The following PDE1C variants were observed in gnomAD, a reference collection of about 807,000 sequenced individuals.
PDE1C encodes the protein dual specificity calcium/calmodulin-dependent 3',5'-cyclic nucleotide phosphodiesterase 1C.
A neutral mutation model predicts 93.1 loss-of-function variants in PDE1C; 62 were observed. The ratio of observed to expected loss-of-function variants is 0.67; its 90% CI spans 0.54 to 0.82. The LOEUF is 0.82. PDE1C is among the 40% of genes least tolerant of loss of function. PDE1C has a pLI of 0.00. For synonymous variants in PDE1C, 325 were observed against 310.1 expected (o/e 1.05, Z -0.50); for missense variants, 742 against 884.6 (o/e 0.84, Z 2.04).
At chr7:32,104,664 G>A (rs1798209131) in intron 3 of PDE1C, among the ~76,000 whole-genome samples, 2 of 152,200 alleles carry the variant, frequency 1.3e-5, no homozygotes, top group African/African-American at 4.8e-5. Flanking sequence ...GGGGAAATGG[G>A]ACTGGTGGTC....
At chr7:32,312,080 C>A (rs1174024386) in intron 1 of PDE1C, among the ~76,000 whole-genome samples, 1 of 150,682 alleles carries the variant, frequency 6.6e-6, no homozygotes, top group African/African-American at 2.4e-5. Flanking sequence ...AATCAATGTA[C>A]AAAAATCACA....
intron 2 of PDE1C, among the ~76,000 whole-genome samples, chr7:31,982,129 A>C (rs1009501384): frequency 6.6e-6 from 1 of 152,222 alleles, no homozygotes; most frequent in Non-Finnish European, 1.5e-5. Context: ...TTATGTGGGC[A>C]TGAAATGTCT....
chr7:31,880,352 A>G (rs1487860755), intron 3 of PDE1C, among the ~76,000 whole-genome samples: 1 of 152,250 alleles, frequency 6.6e-6, no homozygotes, highest in East Asian at 1.9e-4. Flanking sequence ...CGATCACTTC[A>G]GGAGCCTCCA....
chr7:31,869,560 G>A (rs1161392215), intron 6 of PDE1C, among the ~76,000 whole-genome samples: 1 of 152,018 alleles, frequency 6.6e-6, no homozygotes, highest in African/African-American at 2.4e-5. Flanking sequence ...AATCAATTCA[G>A]CCAGAGGATA....
At chr7:31,703,370 C>T in the PDE1C span, among the ~76,000 whole-genome samples, 72 of 152,312 alleles carry the variant, frequency 4.7e-4, no homozygotes, top group African/African-American at 1.7e-3. Flanking sequence ...CCAATATCTA[C>T]ATCCTAAGAG....
chr7:32,171,299 A>C (rs1802632783), intron 2 of PDE1C, among the ~76,000 whole-genome samples: 1 of 152,076 alleles, frequency 6.6e-6, no homozygotes, highest in South Asian at 2.1e-4. Context: ...CCTGCGACAG[A>C]ACACCTGACC....
At chr7:32,172,374 G>T (rs1329661153) in intron 2 of PDE1C, among the ~76,000 whole-genome samples, 1 of 152,008 alleles carries the variant, frequency 6.6e-6, no homozygotes, top group African/African-American at 2.4e-5. Context: ...ATCAAAAAAT[G>T]GGCAAAGGAT....
chr7:32,326,066 AG>A (rs1783397714), intron 1 of PDE1C, among the ~76,000 whole-genome samples: 1 of 152,168 alleles, frequency 6.6e-6, no homozygotes, highest in African/African-American at 2.4e-5. Flanking sequence ...GAAAAAAAAA[AG>A]GAATCAAGGA....
intron 11 of PDE1C, among the ~76,000 whole-genome samples, chr7:31,831,048 T>C (rs545014738): frequency 1.6e-4 from 25 of 152,314 alleles, no homozygotes; most frequent in African/African-American, 5.5e-4. Context: ...CACCTGTCAA[T>C]GCAAGAGCTT....
intron 1 of PDE1C, among the ~76,000 whole-genome samples, chr7:32,358,277 G>T (rs530982706): frequency 6.6e-6 from 1 of 151,876 alleles, no homozygotes; most frequent in Non-Finnish European, 1.5e-5. Flanking sequence ...CTGCAACCCC[G>T]ACAGGCATGT....
At chr7:31,965,626 C>T (rs750556971) in intron 2 of PDE1C, among the ~76,000 whole-genome samples, 7 of 151,988 alleles carry the variant, frequency 4.6e-5, no homozygotes, top group South Asian at 2.1e-4. Context: ...AGATACTCCT[C>T]GAGAAGAGCA....
chr7:31,895,555 T>C (rs1799180058), intron 2 of PDE1C, among the ~76,000 whole-genome samples: 1 of 150,660 alleles, frequency 6.6e-6, no homozygotes, highest in Non-Finnish European at 1.5e-5. Flanking sequence ...GTTTCATGAA[T>C]TGGATTATTA....
intron 1 of PDE1C, among the ~76,000 whole-genome samples, chr7:32,418,699 C>T (rs1415368753): frequency 6.6e-6 from 1 of 152,160 alleles, no homozygotes; most frequent in Non-Finnish European, 1.5e-5. Flanking sequence ...GAAGAAGGTA[C>T]TGAGTTATTA....
At chr7:31,867,572 A>G (rs757033456) in intron 6 of PDE1C, among the ~76,000 whole-genome samples, 1 of 152,132 alleles carries the variant, frequency 6.6e-6, no homozygotes, top group Non-Finnish European at 1.5e-5. Context: ...AGCCTGTTGT[A>G]GCCACCTCTA....
chr7:31,650,939 GC>G, the PDE1C span, among the ~76,000 whole-genome samples: 1 of 152,100 alleles, frequency 6.6e-6, no homozygotes, highest in Admixed American at 6.6e-5. Context: ...AACAACAGCT[GC>G]CCTTCTGTTG....
chr7:32,112,264 C>T (rs1798683659), intron 3 of PDE1C, among the ~76,000 whole-genome samples: 1 of 151,936 alleles, frequency 6.6e-6, no homozygotes, highest in Non-Finnish European at 1.5e-5. Flanking sequence ...TTATTTTCCT[C>T]TTCCTTCATC....
chr7:32,332,951 C>T (rs1783543339), intron 1 of PDE1C, among the ~76,000 whole-genome samples: 2 of 152,048 alleles, frequency 1.3e-5, no homozygotes, highest in Admixed American at 6.6e-5. Flanking sequence ...CTTAATCTGG[C>T]CAGTGGCTCC....
intron 2 of PDE1C, among the ~76,000 whole-genome samples, chr7:31,939,342 G>C (rs1805520264): frequency 6.6e-6 from 1 of 152,110 alleles, no homozygotes; most frequent in Admixed American, 6.5e-5. Context: ...CCACACCGCT[G>C]AGTCTTCAAG....
intron 3 of PDE1C, among the ~76,000 whole-genome samples, chr7:32,145,541 T>C (rs1800786556): frequency 6.6e-6 from 1 of 152,226 alleles, no homozygotes; most frequent in Non-Finnish European, 1.5e-5. Flanking sequence ...TTAATTGTAC[T>C]TTAAAATACA....
Sources: allele counts gnomAD v4.1 joint callset (sites outside exome capture counted in the v4.1 genomes callset), GRCh38; gene constraint gnomAD v4.1.1; transcripts MANE v1.5; gene names NCBI Gene and HGNC (gene_info 2026-07-23, HGNC 2026-07-21).